The following PCGF3 variants were observed in gnomAD, a reference collection of about 807,000 sequenced individuals.
PCGF3 encodes the protein polycomb group ring finger 3, also known as polycomb group RING finger protein 3.
A neutral mutation model predicts 33.1 loss-of-function variants in PCGF3; 7 were observed. The observed-to-expected ratio is 0.21, with a 90% CI of 0.12 to 0.40. PCGF3 has a LOEUF of 0.40. Ranked by LOEUF, PCGF3 falls within the 10% of genes least tolerant of loss-of-function variation. The pLI is 1.00. For synonymous variants in PCGF3, 153 were observed against 121.3 expected (o/e 1.26, Z -1.72); for missense variants, 211 against 313.3 (o/e 0.67, Z 2.46).
intron 3 of PCGF3, among the ~76,000 whole-genome samples, chr4:733,314 C>T (rs1442626609): frequency 6.6e-6 from 1 of 152,272 alleles, no homozygotes; most frequent in Non-Finnish European, 1.5e-5. Context: ...CGGGCTCCTC[C>T]TGCTCCTTCC....
In PCGF3 at chr4:737,365, C is replaced by G. The variant is rs2152578133; in HGVS notation, c.207-101C>G. ...TAGAAGTAAAATTCCAACAAAGCTC[C>G]AGACTGGTGATTCTGAACTTTGATA... On this transcript the variant is annotated intron_variant, in intron 5 of 10. Coordinates refer to ENST00000362003, the Ensembl canonical transcript of PCGF3. The G allele has an allele frequency of 8.7e-6, 7 of 805,558 alleles. No homozygotes were observed. In the South Asian group the frequency reaches 1.1e-4, roughly 12 times the overall value. The allele number at this position is 805,558 out of a possible 1,614,324, so 49.9% of individuals were successfully genotyped here.
At chr4:762,101 A>G in intron 9 of PCGF3, 4 of 985,254 alleles carry the variant, frequency 4.1e-6, no homozygotes, top group Non-Finnish European at 4.8e-6. Flanking sequence ...CTGTAGCAGC[A>G]GTGGACTCAG....
At chr4:725,020 A>G (rs1209642547) in intron 1 of PCGF3, 1 of 152,212 alleles carries the variant, frequency 6.6e-6, no homozygotes, top group Non-Finnish European at 1.5e-5. Context: ...CTGCCTTTAT[A>G]CATACCAATA....
At chr4:752,952 C>T (rs1744592814) in intron 8 of PCGF3, among the ~76,000 whole-genome samples, 1 of 152,272 alleles carries the variant, frequency 6.6e-6, no homozygotes, top group South Asian at 2.1e-4. Context: ...TGAAACTCTT[C>T]TCTCACTTCA....
chr4:767,254 C>A (rs540716341), exon 11 of PCGF3: 64 of 152,348 alleles, frequency 4.2e-4, no homozygotes, highest in African/African-American at 1.5e-3. Context: ...GCACCGTTAG[C>A]CCCTCTCCTC....
In PCGF3 at chr4:754,822, C is replaced by T. The variant is rs538662919; in HGVS notation, c.463-6457C>T. 2.1e-4 allele frequency among the ~76,000 whole-genome samples: 32 copies of T among 152,318 alleles called. No individual in the cohort carries two copies. The South Asian group carries it at 5.6e-3, about 27-fold the overall frequency. ...TGCCTGCACGGCCAGGGTGGCCATG[C>T]GGAGACCAGGCAGGCGTCTGAGCCA... On this transcript the variant is annotated intron_variant, in intron 8 of 10. Transcript: ENST00000362003.
intron 8 of PCGF3, among the ~76,000 whole-genome samples, chr4:755,335 C>G (rs145371117): frequency 6.6e-6 from 1 of 152,060 alleles, no homozygotes; most frequent in East Asian, 1.9e-4. Flanking sequence ...TGTGGGGTGT[C>G]CAGCGACTCA....
intron 5 of PCGF3, among the ~76,000 whole-genome samples, chr4:737,245 A>G (rs1743875324): frequency 6.6e-6 from 1 of 152,196 alleles, no homozygotes; most frequent in South Asian, 2.1e-4. Context: ...CTCTGTCATT[A>G]TTTGAAATGT....
chr4:761,127 T>C, intron 8 of PCGF3, 152 bp from the exon 9 acceptor site: 1 of 505,974 alleles, frequency 2.0e-6, no homozygotes, highest in Non-Finnish European at 3.4e-6. Flanking sequence ...TGTAAGATTC[T>C]TTTTCTGCAG....
chr4:755,903 C>CTT (rs1560215661), intron 8 of PCGF3, among the ~76,000 whole-genome samples: 15 of 120,566 alleles, frequency 1.2e-4, no homozygotes, highest in African/African-American at 4.4e-4. Flanking sequence ...TCAGAATTGT[C>CTT]CTTTTTTTTT....
chr4:716,056 C>T (rs1742818862), intron 1 of PCGF3, among the ~76,000 whole-genome samples: 1 of 145,496 alleles, frequency 6.9e-6, no homozygotes, highest in Non-Finnish European at 1.5e-5. Context: ...TGCTGGAACC[C>T]TGTAGACACT....
At position 754,273 on chromosome 4, in the gene PCGF3, T is replaced by C. The variant is rs368884273; in HGVS notation, c.463-7006T>C. ...TGTCTGGAGCTGGAAATGTGGTTTG[T>C]TTTCACTCCTCCGAGTTGTGCCTCC... On this transcript the variant is annotated intron_variant, in intron 8 of 10. Coordinates refer to ENST00000362003, the Ensembl canonical transcript of PCGF3. Among the ~76,000 whole-genome samples, 78 of 152,278 alleles carry C rather than the reference T, an allele frequency of 5.1e-4. 1 individual carries two copies. Among genetic ancestry groups the C allele is most frequent in the East Asian group, 4.1e-3 (21 of 5,178 alleles).
intron 8 of PCGF3, among the ~76,000 whole-genome samples, chr4:751,011 G>C (rs1222340133): frequency 6.6e-6 from 1 of 152,012 alleles, no homozygotes; most frequent in East Asian, 1.9e-4. Context: ...GGTTCTCTTT[G>C]ATAGGAGAGT....
exon 7 of PCGF3, chr4:743,536 A>G (rs757281166): frequency 6.2e-7 from 1 of 1,613,542 alleles, no homozygotes; most frequent in Non-Finnish European, 8.5e-7. Context: ...GGGAGACATC[A>G]AGGGGGAGAC....
chr4:722,915 G>A (rs574612783), intron 1 of PCGF3, among the ~76,000 whole-genome samples: 46 of 113,728 alleles, frequency 4.0e-4, no homozygotes, highest in Non-Finnish European at 7.2e-4. Flanking sequence ...CCACACTCGC[G>A]TCATCGCCAT....
At chr4:711,454 CTT>C (rs1248598317) in intron 1 of PCGF3, among the ~76,000 whole-genome samples, 3 of 82,890 alleles carry the variant, frequency 3.6e-5, no homozygotes, top group Admixed American at 1.2e-4. Context: ...TTTTTTTTTT[CTT>C]TTTTTTTTTT....
intron 8 of PCGF3, among the ~76,000 whole-genome samples, chr4:760,326 T>G (rs1228469398): frequency 6.6e-6 from 1 of 152,178 alleles, no homozygotes; most frequent in Non-Finnish European, 1.5e-5. Context: ...TTTTATTGTT[T>G]GAATTGGTGT....
At chr4:756,246 T>G (rs895613772) in intron 8 of PCGF3, among the ~76,000 whole-genome samples, 1 of 141,244 alleles carries the variant, frequency 7.1e-6, no homozygotes, top group African/African-American at 2.7e-5. Context: ...AGTCTTATAC[T>G]CTGTCGCCCA....
At chr4:709,125 G>A (rs747303218) in intron 1 of PCGF3, among the ~76,000 whole-genome samples, 32 of 152,206 alleles carry the variant, frequency 2.1e-4, no homozygotes, top group Admixed American at 1.6e-3. Flanking sequence ...GTTTCCAGAG[G>A]GTGGTCATCC....
Sources: allele counts gnomAD v4.1 joint callset (sites outside exome capture counted in the v4.1 genomes callset), GRCh38; gene constraint gnomAD v4.1.1; transcripts MANE v1.5; gene names NCBI Gene and HGNC (gene_info 2026-07-23, HGNC 2026-07-21).